Variants in ASTN2 observed in about 807,000 individuals in gnomAD.
ASTN2 encodes the protein astrotactin-2.
Under a neutral mutation model 139.8 loss-of-function variants are expected in ASTN2, and 54 were observed. That is an observed-to-expected ratio of 0.39 (90% CI 0.31 to 0.48). The LOEUF (loss-of-function observed/expected upper bound fraction) is 0.48. Ranked by LOEUF, ASTN2 falls within the 20% of genes least tolerant of loss-of-function variation. The pLI, the probability that ASTN2 is intolerant of heterozygous loss-of-function variation, is 0.95. For missense variants in ASTN2, 1,565 were observed against 1,725.1 expected, an observed-to-expected ratio of 0.91 and a Z score of 1.64; for synonymous variants, 756 against 719.5, an observed-to-expected ratio of 1.05 and a Z score of -0.81.
At chr9:117,086,576 AAAAC>A (rs879560756) in intron 5 of ASTN2, among the ~76,000 whole-genome samples, 13 of 152,266 alleles carry the variant, frequency 8.5e-5, no homozygotes, top group Admixed American at 8.5e-4. Flanking sequence ...CTCCATCTCA[AAAAC>A]AAACAAACAA....
intron 1 of ASTN2, among the ~76,000 whole-genome samples, chr9:117,367,133 T>C (rs1829865654): frequency 6.6e-6 from 1 of 152,190 alleles, no homozygotes; most frequent in African/African-American, 2.4e-5. Flanking sequence ...GAATAGAGGC[T>C]GTCTTACATA....
intron 20 of ASTN2, among the ~76,000 whole-genome samples, chr9:116,457,004 A>G (rs1356284223): frequency 6.6e-6 from 1 of 152,194 alleles, no homozygotes; most frequent in East Asian, 1.9e-4. Context: ...AAAAACAGAC[A>G]CATATATCAA....
rs575633576 is a variant in ASTN2 at position 116,697,811 on chromosome 9, C to T, written c.2806+27960G>A. 2.2e-5 allele frequency: 35 copies of T among 1,614,078 alleles called. No individual in the cohort carries two copies. The highest frequency in any genetic ancestry group is 2.6e-5 in the Non-Finnish European group (31 of 1,180,052). ...GGGAAGTGCTAGAATGCCCCATCTGCATGGAGTCCTTCACAGAAGAGCAGC... is the reference window on the plus strand; with the variant it reads ...GGGAAGTGCTAGAATGCCCCATCTGTATGGAGTCCTTCACAGAAGAGCAGC... On this transcript the variant is annotated intron_variant, in intron 16 of 22. Transcript: ENST00000313400.
chr9:116,496,816 C>T (rs956204145), intron 19 of ASTN2, among the ~76,000 whole-genome samples: 1 of 152,192 alleles, frequency 6.6e-6, no homozygotes, highest in Non-Finnish European at 1.5e-5. Context: ...GGCAAGAGAG[C>T]TTGTGCAGGG....
chr9:116,723,988 C>G (rs997893030), intron 16 of ASTN2, among the ~76,000 whole-genome samples: 1 of 152,102 alleles, frequency 6.6e-6, no homozygotes, highest in Non-Finnish European at 1.5e-5. Flanking sequence ...TTACTTGTAA[C>G]AGATTCCATG....
At position 116,620,350 on chromosome 9, in the gene ASTN2, C is replaced by A; in HGVS notation, c.3166G>T (p.Ala1056Ser). Residue 1056 changes from alanine (A) to serine (S), a missense_variant, in exon 18 of 23, where the codon GCC (alanine) becomes TCC (serine). By Grantham distance (99) the Ala-to-Ser change is moderately conservative. Transcript: ENST00000313400. The stretch of plus-strand genomic sequence containing the variant: ...GGGCTGCAGTTGGGGAGCCCATTGG[C>A]ATCAAAGGCGCTGAGGTCACACCTG... ...WCRCDLSAFD[A>S]NGLPNCSPLL... 2.5e-6 allele frequency: 4 copies of A among 1,614,126 alleles called. No individual in the cohort carries two copies. The highest frequency in any genetic ancestry group is 3.4e-6 in the Non-Finnish European group (4 of 1,180,010).
chr9:116,500,753 C>A (rs1849826835), intron 19 of ASTN2, among the ~76,000 whole-genome samples: 1 of 152,150 alleles, frequency 6.6e-6, no homozygotes, highest in African/African-American at 2.4e-5. Flanking sequence ...AATCAATGAA[C>A]TCAAATAAGA....
At chr9:117,038,942 C>T (rs912311512) in intron 6 of ASTN2, among the ~76,000 whole-genome samples, 4 of 152,244 alleles carry the variant, frequency 2.6e-5, no homozygotes, top group African/African-American at 9.6e-5. Context: ...ATATAAGACA[C>T]TTGTATATTT....
chr9:117,413,383 G>C lies in ASTN2; in HGVS notation c.442+1114C>G, dbSNP rs575609880. 9.5e-4 allele frequency among the ~76,000 whole-genome samples: 145 copies of C among 152,358 alleles called. 1 individual carries two copies. The highest frequency in any genetic ancestry group is 3.1e-3 in the African/African-American group (129 of 41,596). On this transcript the variant is annotated intron_variant, in intron 1 of 22. Coordinates refer to ENST00000313400, the MANE Select transcript of ASTN2 (RefSeq NM_001365068.1). ...CGAGGAAAAGACCCGGGGAAGAAGAGCTCCGGGTCTGGGCGAGCCCCTGGC... is the reference window on the plus strand; with the variant it reads ...CGAGGAAAAGACCCGGGGAAGAAGACCTCCGGGTCTGGGCGAGCCCCTGGC...
At chr9:116,529,109 A>T (rs1851216059) in intron 19 of ASTN2, among the ~76,000 whole-genome samples, 1 of 152,148 alleles carries the variant, frequency 6.6e-6, no homozygotes, top group African/African-American at 2.4e-5. Flanking sequence ...CCAGAATAGT[A>T]AATCCATCAA....
rs533048084 is a variant in ASTN2, at chr9:117,144,625, C to G, written c.1016-3147G>C. The stretch of plus-strand genomic sequence containing the variant: ...CAGTTCCTCAGTAAGAGGAGGAACA[C>G]TGTAAGAGATGACATTTGAGAGGAG... On this transcript the variant is annotated intron_variant, in intron 3 of 22. Coordinates refer to ENST00000313400, the MANE Select transcript of ASTN2 (RefSeq NM_001365068.1). Among the ~76,000 whole-genome samples, 5 of 138,836 alleles carry G rather than the reference C, an allele frequency of 3.6e-5. No homozygotes were observed. In the East Asian group the frequency reaches 1.1e-3, roughly 30 times the overall value. The allele number at this position is 138,836 out of a possible 152,430, so 91.1% of individuals were successfully genotyped here. A position where few individuals can be genotyped will look rare whatever the true frequency, so the allele number is the denominator to read the frequency against.
intron 2 of ASTN2, among the ~76,000 whole-genome samples, chr9:117,253,043 T>C (rs1363138332): frequency 6.6e-6 from 1 of 152,184 alleles, no homozygotes; most frequent in Non-Finnish European, 1.5e-5. Flanking sequence ...TTGATGAGAA[T>C]TATGAAGATT....
At chr9:117,186,152 C>G (rs948711854) in intron 3 of ASTN2, among the ~76,000 whole-genome samples, 3 of 152,178 alleles carry the variant, frequency 2.0e-5, no homozygotes, top group Admixed American at 2.0e-4. Context: ...GAAGTAATGA[C>G]CATATCAATT....
intron 4 of ASTN2, among the ~76,000 whole-genome samples, chr9:117,112,932 A>G (rs1336580245): frequency 1.3e-5 from 2 of 152,188 alleles, no homozygotes; most frequent in East Asian, 3.8e-4. Flanking sequence ...ACAAAATGGA[A>G]AAGATTTGAA....
At chr9:117,372,748 A>C (rs1830021712) in intron 1 of ASTN2, among the ~76,000 whole-genome samples, 1 of 152,164 alleles carries the variant, frequency 6.6e-6, no homozygotes, top group African/African-American at 2.4e-5. Context: ...TAATCTGTGC[A>C]CCAAACCCTT....
chr9:117,114,918 C>T (rs548939787), intron 4 of ASTN2, among the ~76,000 whole-genome samples: 1 of 152,230 alleles, frequency 6.6e-6, no homozygotes, highest in African/African-American at 2.4e-5. Flanking sequence ...AACAACTGCA[C>T]CCATTTCCAG....
chr9:116,793,683 A>G (rs1008968413), intron 13 of ASTN2, among the ~76,000 whole-genome samples: 2 of 152,224 alleles, frequency 1.3e-5, no homozygotes, highest in African/African-American at 2.4e-5. Flanking sequence ...AATATGTTTG[A>G]AAAACAAACA....
intron 2 of ASTN2, among the ~76,000 whole-genome samples, chr9:117,241,798 A>C (rs532905680): frequency 6.6e-6 from 1 of 152,120 alleles, no homozygotes; most frequent in Non-Finnish European, 1.5e-5. Flanking sequence ...ATAGCAGACA[A>C]GATTAGGGAG....
intron 3 of ASTN2, among the ~76,000 whole-genome samples, chr9:117,198,463 C>T (rs1831585197): frequency 6.6e-6 from 1 of 152,006 alleles, no homozygotes; most frequent in Admixed American, 6.6e-5. Context: ...GCAGAATGTG[C>T]AGGTTTGTTA....
Sources: allele counts gnomAD v4.1 joint callset (sites outside exome capture counted in the v4.1 genomes callset), GRCh38; gene constraint gnomAD v4.1.1; transcripts MANE v1.5; gene names NCBI Gene and HGNC (gene_info 2026-07-23, HGNC 2026-07-21).